SPAG17: variants seen among roughly 807,000 people sequenced by gnomAD.
SPAG17 encodes sperm associated antigen 17, also known as sperm-associated antigen 17.
In SPAG17, 169 loss-of-function variants were observed where a neutral mutation model predicts 273.6. The observed-to-expected ratio is 0.62, with a 90% confidence interval of 0.55 to 0.70. The LOEUF (loss-of-function observed/expected upper bound fraction) is 0.70, where lower values mean the gene tolerates loss of function less well. Ranked by LOEUF, SPAG17 falls within the 30% of genes least tolerant of loss-of-function variation. SPAG17 has a pLI of 0.00. For synonymous variants in SPAG17, 825 were observed against 873.2 expected, an observed-to-expected ratio of 0.94 and a Z score of 0.97; for missense variants, 2,557 against 2,627.8, an observed-to-expected ratio of 0.97 and a Z score of 0.59.
chr1:118,101,943 CTTT>C lies in SPAG17; in HGVS notation c.448-20_448-18del. The C allele has an allele frequency of 4.4e-6, 7 of 1,598,064 alleles. No homozygotes were observed. The highest frequency in any genetic ancestry group is 6.0e-6 in the Non-Finnish European group (7 of 1,172,560). ...TTCTATTACCTGGAATGAGAGAACA[CTTT>C]TTTCTCCAAATCAAACAGTGAGCAA... is the stretch of plus-strand genomic sequence containing the variant. On this transcript the variant is annotated intron_variant, in intron 4 of 48. Coordinates refer to ENST00000336338, the MANE Select transcript of SPAG17 (RefSeq NM_206996.4).
Position 117,957,777 on chromosome 1 carries a change from G to T in SPAG17, c.*1-3728C>A, listed in dbSNP as rs1652435400. ...ACGGTTCTTCCAGTGTGGCCCAGGG[G>T]AGCCAAAAGGATGGACATTCCTGTT... On this transcript the variant is annotated intron_variant, in intron 48 of 48. Coordinates refer to ENST00000336338, the MANE Select transcript of SPAG17 (RefSeq NM_206996.4). 2.6e-5 allele frequency among the ~76,000 whole-genome samples: 4 copies of T among 152,174 alleles called. 1 individual carries two copies. In the South Asian group the frequency reaches 6.2e-4, roughly 24 times the overall value.
intron 1 of SPAG17, among the ~76,000 whole-genome samples, chr1:118,169,207 C>T (rs1344045736): frequency 6.6e-6 from 1 of 152,106 alleles, no homozygotes; most frequent in Non-Finnish European, 1.5e-5. Context: ...TACTAATTCC[C>T]TTCAGTTCCA....
chr1:118,028,389 T>C lies in SPAG17; in HGVS notation c.3615A>G (p.Glu1205=). The change falls in exon 26 of 49, where the codon GAA becomes GAG. Residue 1205 remains glutamate (E), a synonymous_variant. Transcript: ENST00000336338. ...GTAAAACAGGTTCTGGTTCTACTTC[T>C]TCTTCCTGTAAATAATTCAGCATGT... is the stretch of plus-strand genomic sequence containing the variant. The part of the protein sequence containing the change: ...EHPKEEEKKE[E]EVEPEPVLQE... 1 of 1,613,090 alleles carries C rather than the reference T, an allele frequency of 6.2e-7. No individual in the cohort carries two copies. Among genetic ancestry groups the C allele is most frequent in the South Asian group, 1.1e-5 (1 of 90,826 alleles).
chr1:118,122,824 C>G (rs1409956931), intron 3 of SPAG17, among the ~76,000 whole-genome samples: 1 of 152,130 alleles, frequency 6.6e-6, no homozygotes, highest in Non-Finnish European at 1.5e-5. Flanking sequence ...ATTCATACAT[C>G]CAGGACAGAG....
intron 30 of SPAG17, among the ~76,000 whole-genome samples, chr1:118,009,248 A>AACAC (rs55873088): frequency 0.032 from 4,588 of 142,620 alleles, 98 homozygotes; most frequent in African/African-American, 0.064. Context: ...AGGTGCTCAT[A>AACAC]ACACACACAC....
chr1:118,170,552 A>G (rs187445690), intron 1 of SPAG17, among the ~76,000 whole-genome samples: 7 of 152,300 alleles, frequency 4.6e-5, no homozygotes, highest in East Asian at 3.9e-4. Context: ...TCATCTATTG[A>G]AGGTGTATTA....
chr1:117,973,058 G>A (rs1654748568), intron 44 of SPAG17, among the ~76,000 whole-genome samples: 1 of 152,158 alleles, frequency 6.6e-6, no homozygotes, highest in Admixed American at 6.5e-5. Context: ...CTGGTAAACT[G>A]GCTCTCTGAA....
intron 32 of SPAG17, among the ~76,000 whole-genome samples, chr1:118,002,563 T>C (rs887839154): frequency 1.3e-5 from 2 of 152,234 alleles, no homozygotes; most frequent in Admixed American, 1.3e-4. Context: ...AATTGATCCC[T>C]TTACAAATAT....
chr1:118,002,005 A>G (rs1658338878), intron 32 of SPAG17, among the ~76,000 whole-genome samples: 1 of 152,178 alleles, frequency 6.6e-6, no homozygotes, highest in African/African-American at 2.4e-5. Context: ...TGTGTCCCAG[A>G]GATTCTGGTA....
At chr1:117,995,733 C>T (rs397861365) in intron 34 of SPAG17, among the ~76,000 whole-genome samples, 1 of 129,196 alleles carries the variant, frequency 7.7e-6, no homozygotes, top group East Asian at 2.1e-4. Context: ...CACACACACA[C>T]ACAAACCTAG....
rs529720974 is a variant in SPAG17, at chr1:117,992,420, GCT to G, written c.5361+44_5361+45del. On this transcript the variant is annotated intron_variant, in intron 36 of 48. Coordinates refer to ENST00000336338, the MANE Select transcript of SPAG17 (RefSeq NM_206996.4). ...TCTTAGGAAACCAAAAGCAATGATT[GCT>G]CTGTTTCTGATTCTTTTGGGTCAGG... 2.6e-4 allele frequency: 390 copies of G among 1,500,380 alleles called. 5 individuals are homozygous for G. In the South Asian group the frequency reaches 4.5e-3, roughly 17 times the overall value. 92.9% of individuals were successfully genotyped at this position (1,500,380 alleles called of 1,614,324 possible). A position where few individuals can be genotyped will look rare whatever the true frequency, so the allele number is the denominator to read the frequency against.
At chr1:117,964,000 A>G in intron 47 of SPAG17, 62 bp from the exon 48 acceptor site, 2 of 1,530,266 alleles carry the variant, frequency 1.3e-6, no homozygotes, top group Admixed American at 2.0e-5. Context: ...ATAAACCTAA[A>G]TAACATTTTA....
In SPAG17 at chr1:118,050,019, A is replaced by G. The variant is rs545938618; in HGVS notation, c.2814+3983T>C. Among the ~76,000 whole-genome samples, 4 of 152,280 alleles carry G rather than the reference A, an allele frequency of 2.6e-5. No homozygotes were observed. The East Asian group carries it at 7.7e-4, about 29-fold the overall frequency. ...AAATATGTGCATTAAGAGGCAAAAT[A>G]GTGGAGTTTAACTGGTATATGACCT... On this transcript the variant is annotated intron_variant, in intron 20 of 48. Transcript: ENST00000336338.
Position 118,086,992 on chromosome 1 carries a change from T to C in SPAG17, c.1376A>G (p.Glu459Gly), listed in dbSNP as rs921662459. Residue 459 changes from glutamate (E) to glycine (G), a missense_variant, in exon 11 of 49, where the codon GAA becomes GGA. Transcript: ENST00000336338. ...CCGCAGACTGGGTGGGACGAGATCT[T>C]CTTCAGTTGCAACAACCTGTTGAAA... The part of the protein sequence containing the change: ...CMLEQVVATE[E>G]DLVPPSLREP... The C allele has an allele frequency of 6.4e-7, 1 of 1,567,076 alleles. No homozygotes were observed. Among genetic ancestry groups the C allele is most frequent in the Non-Finnish European group, 8.6e-7 (1 of 1,160,708 alleles).
intron 7 of SPAG17, among the ~76,000 whole-genome samples, chr1:118,095,247 G>T (rs928830087): frequency 1.3e-5 from 2 of 152,190 alleles, no homozygotes; most frequent in Non-Finnish European, 2.9e-5. Context: ...GTCCTTTGAA[G>T]TTGCCATTGT....
intron 1 of SPAG17, among the ~76,000 whole-genome samples, chr1:118,153,257 A>G (rs1195826362): frequency 3.9e-5 from 6 of 152,182 alleles, no homozygotes; most frequent in Non-Finnish European, 7.4e-5. Context: ...GGCATATGTT[A>G]TCTCATTGAA....
chr1:118,109,210 C>T (rs1325329211), intron 4 of SPAG17, among the ~76,000 whole-genome samples: 1 of 149,628 alleles, frequency 6.7e-6, no homozygotes, highest in Admixed American at 6.7e-5. Flanking sequence ...GGCGCGATGT[C>T]AGCTCACTGC....
At chr1:118,183,283 C>T (rs766029536) in intron 1 of SPAG17, among the ~76,000 whole-genome samples, 6 of 152,122 alleles carry the variant, frequency 3.9e-5, no homozygotes, top group Non-Finnish European at 7.4e-5. Context: ...GAGCACACTA[C>T]GTGTGCTCAA....
chr1:118,039,562 G>A, intron 22 of SPAG17, 118 bp from the exon 23 acceptor site: 1 of 998,312 alleles, frequency 1.0e-6, no homozygotes, highest in Non-Finnish European at 1.5e-6. Flanking sequence ...ACCAAACACT[G>A]CATGTTCTCA....
Sources: allele counts gnomAD v4.1 joint callset (sites outside exome capture counted in the v4.1 genomes callset), GRCh38; gene constraint gnomAD v4.1.1; transcripts MANE v1.5; gene names NCBI Gene and HGNC (gene_info 2026-07-23, HGNC 2026-07-21).